SPTBN5: variants seen among roughly 807,000 people sequenced by gnomAD.
The protein encoded by SPTBN5 is spectrin beta, non-erythrocytic 5.
In SPTBN5, 513 loss-of-function variants were observed where a neutral mutation model predicts 477.6. That is an observed-to-expected ratio of 1.07 (90% CI 1.00 to 1.16). The LOEUF is 1.16. Ranked by LOEUF, SPTBN5 falls within the 50% of genes most tolerant of loss-of-function variation. The pLI is 0.00. For missense variants in SPTBN5, 5,062 were observed against 4,731.8 expected, an observed-to-expected ratio of 1.07 and a Z score of -2.05; for synonymous variants, 2,169 against 2,011.7, an observed-to-expected ratio of 1.08 and a Z score of -2.09.
intron 61 of SPTBN5, 67 bp from the exon 62 acceptor site, chr15:41,852,383 G>A (rs959443892): frequency 6.9e-5 from 103 of 1,493,808 alleles, no homozygotes; most frequent in Non-Finnish European, 7.6e-5. Context: ...TCAGGTTCCC[G>A]TCTACCTCCC....
chr15:41,886,852 G>T (rs531076453), intron 6 of SPTBN5, among the ~76,000 whole-genome samples: 1 of 152,234 alleles, frequency 6.6e-6, no homozygotes, highest in East Asian at 1.9e-4. Flanking sequence ...CGTAGCCCCC[G>T]CTGGCAGAGC....
In SPTBN5 at chr15:41,862,810, GGT is replaced by G. The variant is rs2066161951; in HGVS notation, c.7241_7242del (p.His2414ProfsTer12). 1 of 1,578,778 alleles carries G rather than the reference GGT, an allele frequency of 6.3e-7. No homozygotes were observed. Among genetic ancestry groups the G allele is most frequent in the Admixed American group, 1.8e-5 (1 of 55,150 alleles). On this transcript the variant is annotated frameshift_variant, in exon 42 of 68. Transcript: ENST00000320955. LOFTEE classifies it high-confidence loss of function. ...RKHEELEREVHPIQAQVESLE... is the reference protein window; with the variant it reads ...RKHEELEREVXPIQAQVESLE... ...CGCACCTCCACCTGGGCCTGGATGG[GGT>G]GCACTTCCCGCTCCAGCTCCTCGTG...
intron 17 of SPTBN5, among the ~76,000 whole-genome samples, chr15:41,877,734 T>C (rs568575625): frequency 6.6e-6 from 1 of 152,330 alleles, no homozygotes; most frequent in East Asian, 1.9e-4. Context: ...CTTGTGTGAA[T>C]TAGAGCAAGG....
rs1414114723 is a variant in SPTBN5 at position 41,882,301 on chromosome 15, C to T, written c.2215G>A (p.Ala739Thr). ...LLQTRVVGRGARLQTALLVLQ... is the reference protein window; with the variant it reads ...LLQTRVVGRGTRLQTALLVLQ... The stretch of plus-strand genomic sequence containing the variant: ...ACCAGCAGGGCTGTCTGCAGCCGTG[C>T]GCCCCGCCCCACCACCCGGGTCTGG... The change falls in exon 11 of 68, where the codon GCA becomes ACA. Residue 739 changes from alanine to threonine, a missense_variant. Physicochemically the swap from Ala to Thr is moderately conservative, Grantham distance 58 (BLOSUM62 0). Transcript: ENST00000320955. 1 of 1,510,572 alleles carries T rather than the reference C, an allele frequency of 6.6e-7. No homozygotes were observed. Among genetic ancestry groups the T allele is most frequent in the Middle Eastern group, 1.9e-4 (1 of 5,260 alleles). 93.6% of individuals were successfully genotyped at this position (1,510,572 alleles called of 1,614,324 possible).
intron 36 of SPTBN5, 172 bp from the exon 37 acceptor site, chr15:41,866,665 G>T: frequency 1.2e-6 from 1 of 851,436 alleles, no homozygotes; most frequent in South Asian, 2.2e-5. Context: ...GGAGGCAGCC[G>T]GGCAGGGCCT....
rs750844729 is a variant in SPTBN5 at position 41,877,015 on chromosome 15, G to T, written c.3712-67C>A. ...GGTCAGGACCATCTCACCCGCCACT[G>T]CCCCAGGGGCCTCCTGCCCAGCCTG... is the stretch of plus-strand genomic sequence containing the variant. On this transcript the variant is annotated intron_variant, in intron 18 of 67. Coordinates refer to ENST00000320955, the MANE Select transcript of SPTBN5 (RefSeq NM_016642.4). 92 of 1,586,010 alleles carry T rather than the reference G, an allele frequency of 5.8e-5. 1 individual carries two copies. The highest frequency in any genetic ancestry group is 7.0e-5 in the Non-Finnish European group (82 of 1,165,948).
chr15:41,889,102 C>T (rs1197620598), intron 4 of SPTBN5, among the ~76,000 whole-genome samples: 1 of 152,204 alleles, frequency 6.6e-6, no homozygotes, highest in African/African-American at 2.4e-5. Context: ...CTCCCAAGGG[C>T]CTGGGCTGCA....
chr15:41,857,579 G>A lies in SPTBN5; in HGVS notation c.8358C>T (p.Ala2786=), dbSNP rs1327833657. 1 of 1,609,576 alleles carries A rather than the reference G, an allele frequency of 6.2e-7. No homozygotes were observed. Among genetic ancestry groups the A allele is most frequent in the Non-Finnish European group, 8.5e-7 (1 of 1,178,078 alleles). ...TCGGCCTGCACAACCTCACCTCACA[G>A]GCCTTCTGGAGCTTGGCCACCTTCT... ...SQKKVAKLQK[A]CEALRLRRSM... Residue 2786 remains alanine, a synonymous_variant, in exon 50 of 68, where the codon GCC becomes GCT. Coordinates refer to ENST00000320955, the MANE Select transcript of SPTBN5 (RefSeq NM_016642.4).
At chr15:41,856,261 G>T in intron 53 of SPTBN5, 125 bp downstream of exon 53, 1 of 873,866 alleles carries the variant, frequency 1.1e-6, no homozygotes, top group Non-Finnish European at 1.7e-6. Flanking sequence ...AGCCCTTGGG[G>T]GCAGGAGACC....
rs757271760 is a variant in SPTBN5 at position 41,862,835 on chromosome 15, G to A, written c.7218C>T (p.His2406=). 18 of 1,589,120 alleles carry A rather than the reference G, an allele frequency of 1.1e-5. No individual in the cohort carries two copies. Among genetic ancestry groups the A allele is most frequent in the South Asian group, 9.2e-5 (8 of 86,744 alleles). Residue 2406 remains histidine (H), a synonymous_variant, in exon 42 of 68, where the codon CAC becomes CAT. Coordinates refer to ENST00000320955, the MANE Select transcript of SPTBN5 (RefSeq NM_016642.4). ...LESVQRLLRK[H]EELEREVHPI... is the part of the protein sequence containing the mutation. Reference sequence around the variant, plus strand: ...GGTGCACTTCCCGCTCCAGCTCCTCGTGTTTCCGCAGCAGCCTCTGCACGC... The same window carrying A: ...GGTGCACTTCCCGCTCCAGCTCCTCATGTTTCCGCAGCAGCCTCTGCACGC...
chr15:41,878,566 C>G lies in SPTBN5; in HGVS notation c.3246G>C (p.Gly1082=), dbSNP rs370229164. 50 of 1,612,802 alleles carry G rather than the reference C, an allele frequency of 3.1e-5. No individual in the cohort carries two copies. In the African/African-American group the frequency reaches 6.5e-4, roughly 21 times the overall value. ...PLQGQVETLQ[G]LLKQVQEQVA... ...CTTGTTCCTGTACTTGCTTCAGCAG[C>G]CCCTGCAGTGTCTCCACCTGTCCTT... The change falls in exon 17 of 68, where the codon GGG becomes GGC. Residue 1082 remains glycine, a synonymous_variant. Coordinates refer to ENST00000320955, the MANE Select transcript of SPTBN5 (RefSeq NM_016642.4).
Position 41,868,071 on chromosome 15 carries a change from C to T in SPTBN5, c.6205G>A (p.Glu2069Lys). ...GRLEEILAAQ[E>K]VSLKTSALGS... is the part of the protein sequence containing the mutation. ...TGTGAGGGCGGGAGGGGACCTGCCT[C>T]CTGGGCCGCGAGGATCTCCTCCAGG... The change falls in exon 34 of 68, where the codon GAG (glutamate) becomes AAG (lysine). Residue 2069 changes from glutamate (E) to lysine (K), a missense_variant and splice_region_variant. By Grantham distance (56) the Glu-to-Lys change is moderately conservative. Coordinates refer to ENST00000320955, the MANE Select transcript of SPTBN5 (RefSeq NM_016642.4). The T allele has an allele frequency of 6.2e-7, 1 of 1,600,310 alleles. No homozygotes were observed. The highest frequency in any genetic ancestry group is 8.5e-7 in the Non-Finnish European group (1 of 1,177,100).
Position 41,893,417 on chromosome 15 carries a change from C to A in SPTBN5, c.81G>T (p.Arg27=), listed in dbSNP as rs375862105. The A allele has an allele frequency of 6.2e-7, 1 of 1,613,274 alleles. No individual in the cohort carries two copies. Among genetic ancestry groups the A allele is most frequent in the Non-Finnish European group, 8.5e-7 (1 of 1,179,850 alleles). Residue 27 remains arginine (R), a synonymous_variant, in exon 2 of 68, where the codon CGG becomes CGT. Transcript: ENST00000320955. ...HRSRRPSTEL[R]VPPSPSLTMD... ...TGGTGAGACTTGGACTGGGCGGGAC[C>A]CGGAGTTCTGTGCTGGGCCTCCTGC... is the stretch of plus-strand genomic sequence containing the variant.
intron 29 of SPTBN5, among the ~76,000 whole-genome samples, chr15:41,871,143 C>T (rs991911231): frequency 3.9e-5 from 6 of 152,248 alleles, no homozygotes; most frequent in African/African-American, 1.4e-4. Context: ...ACAGCTCCTG[C>T]TCTCAATCCT....
rs770758238 is a variant in SPTBN5 at position 41,887,316 on chromosome 15, G to T, written c.785C>A (p.Ala262Asp). The change falls in exon 6 of 68, where the codon GCC (alanine) becomes GAC (aspartate). Residue 262 changes from alanine (A) to aspartate (D), a missense_variant. Transcript: ENST00000320955. ...GATAGAGCGCTCATCTGGCTGTGCGGCTGCCACGTCCTCGGGGTCCAGCAG... is the reference window on the plus strand; with the variant it reads ...GATAGAGCGCTCATCTGGCTGTGCGTCTGCCACGTCCTCGGGGTCCAGCAG... ...AQLLDPEDVA[A>D]AQPDERSIMT... is the part of the protein sequence containing the mutation. 2.6e-6 allele frequency: 4 copies of T among 1,551,204 alleles called. No individual in the cohort carries two copies. In the Admixed American group the frequency reaches 7.8e-5, roughly 30 times the overall value.
At position 41,855,322 on chromosome 15, in the gene SPTBN5, G is replaced by A; in HGVS notation, c.9325C>T (p.Gln3109Ter). ...HGLQEQLQLH[Q>*]LERETLLLDA... ...AGGAGCAGGGTCTCTCGCTCCAGCT[G>A]GTGTAGCTGCAGCTGCTCCTGCAGG... The change falls in exon 55 of 68, where the codon CAG becomes TAG. Residue 3109 changes from glutamine to a stop codon, truncating the protein, a stop_gained. Transcript: ENST00000320955. LOFTEE classifies it high-confidence loss of function. The A allele has an allele frequency of 6.2e-7, 1 of 1,609,572 alleles. No homozygotes were observed. The highest frequency in any genetic ancestry group is 8.5e-7 in the Non-Finnish European group (1 of 1,179,766).
In SPTBN5 at chr15:41,854,955, C is replaced by A. The variant is rs775765182; in HGVS notation, c.9445G>T (p.Ala3149Ser). The A allele has an allele frequency of 2.6e-5, 41 of 1,551,874 alleles. No homozygotes were observed. Among genetic ancestry groups the A allele is most frequent in the Middle Eastern group, 3.4e-4 (2 of 5,808 alleles). Residue 3149 changes from alanine to serine, a missense_variant, in exon 56 of 68, where the codon GCT becomes TCT. By Grantham distance (99) the Ala-to-Ser change is moderately conservative. Transcript: ENST00000320955. ...AGGCTCTGCACTTCCTTTCTGAAAG[C>A]ATCAAACTTCTCTTCCAGCACCTGC... ...GVKVLEEKFDAFRKEVQSLGQ... is the reference protein window; with the variant it reads ...GVKVLEEKFDSFRKEVQSLGQ...
chr15:41,859,021 G>A, intron 47 of SPTBN5, 41 bp from the exon 48 acceptor site: 1 of 1,446,740 alleles, frequency 6.9e-7, no homozygotes, highest in Non-Finnish European at 9.1e-7. Context: ...GCCACCCCCG[G>A]GGCCAGGTGG....
At position 41,855,483 on chromosome 15, in the gene SPTBN5, A is replaced by C. The variant is rs1391757198; in HGVS notation, c.9219-55T>G. On this transcript the variant is annotated intron_variant, in intron 54 of 67. Transcript: ENST00000320955. ...CAGCCCTGCCTTTCCAGGCTGGAGC[A>C]GTCTCCTGCCATCTCTGTAGGGGGC... 4 of 1,592,026 alleles carry C rather than the reference A, an allele frequency of 2.5e-6. No homozygotes were observed. In the African/African-American group the frequency reaches 5.4e-5, roughly 21 times the overall value.
Sources: gnomAD v4.1 joint callset for allele counts (sites outside exome capture counted in the v4.1 genomes callset) on GRCh38, gnomAD v4.1.1 for gene constraint, MANE v1.5 for transcripts, NCBI Gene and HGNC (gene_info 2026-07-23, HGNC 2026-07-21) for gene names.